PCDH9: variants seen among roughly 807,000 people sequenced by gnomAD.
PCDH9 encodes protocadherin-9.
PCDH9 carries 24 observed loss-of-function variants against 70.6 expected under a neutral mutation model. That is an observed-to-expected ratio of 0.34 (90% CI 0.25 to 0.48). PCDH9 has a LOEUF of 0.48. Ranked by LOEUF, PCDH9 falls within the 20% of genes least tolerant of loss-of-function variation. PCDH9 has a pLI of 0.99. For missense variants in PCDH9, 1,281 were observed against 1,503.6 expected (o/e 0.85, Z 2.45); for synonymous variants, 562 against 558.5 (o/e 1.01, Z -0.09).
At chr13:66,447,572 T>G (rs1030200445) in intron 4 of PCDH9, among the ~76,000 whole-genome samples, 1 of 152,144 alleles carries the variant, frequency 6.6e-6, no homozygotes, top group Non-Finnish European at 1.5e-5. Context: ...TAAATCTATC[T>G]GTGGCAATTA....
chr13:66,321,917 C>T (rs1040992237), intron 4 of PCDH9, among the ~76,000 whole-genome samples: 7 of 151,860 alleles, frequency 4.6e-5, no homozygotes, highest in Admixed American at 2.0e-4. Context: ...TGCTTAGCTT[C>T]AGTGCCAATG....
In PCDH9 at chr13:67,228,130, G is replaced by A. The variant is rs774980648; in HGVS notation, c.311C>T (p.Ala104Val). 6.2e-7 allele frequency: 1 copy of A among 1,613,928 alleles called. No individual in the cohort carries two copies. Among genetic ancestry groups the A allele is most frequent in the Non-Finnish European group, 8.5e-7 (1 of 1,179,802 alleles). ...REKLCAGASY[A>V]EENECFFELE... ...TTCAAAGAAACACTCATTCTCCTCA[G>A]CATATGAGGCGCCAGCACAGAGTTT... Residue 104 changes from alanine to valine, a missense_variant, in exon 2 of 5, where the codon GCT becomes GTT. Ala to Val is a moderately conservative substitution (Grantham distance 64). Around this residue, in one of 4 missense-constraint regions of PCDH9, gnomAD observed 798 missense variants for 1,003.1 expected, o/e 0.80. Coordinates refer to ENST00000377865, the MANE Select transcript of PCDH9 (RefSeq NM_203487.3).
chr13:66,891,819 T>TC (rs2082100620), intron 3 of PCDH9, among the ~76,000 whole-genome samples: 1 of 152,000 alleles, frequency 6.6e-6, no homozygotes, highest in African/African-American at 2.4e-5. Context: ...GTATTCCATT[T>TC]TTTTTTTGTT....
At chr13:66,957,697 C>T (rs539319115) in intron 2 of PCDH9, among the ~76,000 whole-genome samples, 1 of 152,254 alleles carries the variant, frequency 6.6e-6, no homozygotes, top group East Asian at 1.9e-4. Context: ...CTCTCTCACT[C>T]ACTCTCTTTC....
chr13:66,543,029 T>A (rs1000930580), intron 4 of PCDH9, among the ~76,000 whole-genome samples: 3 of 151,742 alleles, frequency 2.0e-5, no homozygotes, highest in African/African-American at 7.2e-5. Context: ...TATACAAATA[T>A]AATAATAATG....
At chr13:66,745,625 G>A (rs2079349827) in intron 3 of PCDH9, among the ~76,000 whole-genome samples, 1 of 152,154 alleles carries the variant, frequency 6.6e-6, no homozygotes, top group African/African-American at 2.4e-5. Context: ...TCACATGGCT[G>A]TGTTTAGATA....
At chr13:66,998,386 A>G (rs1437165852) in intron 2 of PCDH9, among the ~76,000 whole-genome samples, 1 of 152,222 alleles carries the variant, frequency 6.6e-6, no homozygotes, top group Admixed American at 6.5e-5. Context: ...ATTAGCTAGT[A>G]GTTTTAAAAT....
intron 2 of PCDH9, among the ~76,000 whole-genome samples, chr13:66,969,194 T>C (rs1322926914): frequency 1.3e-5 from 2 of 152,042 alleles, no homozygotes; most frequent in African/African-American, 4.8e-5. Flanking sequence ...TGATTTTTGA[T>C]TTTTTTAACA....
At chr13:66,497,911 C>T (rs910244252) in intron 4 of PCDH9, among the ~76,000 whole-genome samples, 12 of 149,958 alleles carry the variant, frequency 8.0e-5, no homozygotes, top group Non-Finnish European at 3.0e-5. Context: ...TTCTGTCTCC[C>T]AGGTTCAAGT....
intron 4 of PCDH9, among the ~76,000 whole-genome samples, chr13:66,544,001 T>C (rs1961076573): frequency 6.6e-6 from 1 of 152,158 alleles, no homozygotes; most frequent in Non-Finnish European, 1.5e-5. Context: ...TGAATACAGG[T>C]AAGTTCCATA....
At chr13:66,817,085 A>C (rs957789505) in intron 3 of PCDH9, among the ~76,000 whole-genome samples, 1 of 152,082 alleles carries the variant, frequency 6.6e-6, no homozygotes, top group Non-Finnish European at 1.5e-5. Flanking sequence ...TAGCATGTAC[A>C]TTGTATTAGG....
chr13:67,164,636 G>A (rs2088059421), intron 2 of PCDH9, among the ~76,000 whole-genome samples: 1 of 151,652 alleles, frequency 6.6e-6, no homozygotes, highest in African/African-American at 2.4e-5. Context: ...GCCTTGTGAT[G>A]TGCTGTTGCA....
At chr13:66,568,239 G>A (rs991635022) in intron 4 of PCDH9, among the ~76,000 whole-genome samples, 1 of 152,098 alleles carries the variant, frequency 6.6e-6, no homozygotes, top group African/African-American at 2.4e-5. Flanking sequence ...AAATCAGGAA[G>A]AGGGCACTTG....
chr13:66,989,538 T>C (rs1376461245), intron 2 of PCDH9, among the ~76,000 whole-genome samples: 1 of 151,908 alleles, frequency 6.6e-6, no homozygotes, highest in African/African-American at 2.4e-5. Flanking sequence ...ATTGTAGAAA[T>C]AGCACTTTAT....
intron 3 of PCDH9, among the ~76,000 whole-genome samples, chr13:66,761,704 T>C (rs938850060): frequency 6.6e-6 from 1 of 152,180 alleles, no homozygotes; most frequent in Non-Finnish European, 1.5e-5. Context: ...ATCTCTAAGA[T>C]TTCTGTTTGA....
intron 4 of PCDH9, among the ~76,000 whole-genome samples, chr13:66,340,980 C>T (rs1292988477): frequency 6.6e-6 from 1 of 152,110 alleles, no homozygotes; most frequent in East Asian, 1.9e-4. Context: ...ATTGCCCTTA[C>T]ATAAAAGTCA....
chr13:66,664,343 T>C (rs1043582750), intron 3 of PCDH9, among the ~76,000 whole-genome samples: 19 of 152,208 alleles, frequency 1.2e-4, no homozygotes, highest in Non-Finnish European at 2.2e-4. Context: ...AGAGGATTAA[T>C]AGTAGTTTGT....
chr13:66,612,721 G>A (rs893375045), intron 4 of PCDH9, among the ~76,000 whole-genome samples: 2 of 152,116 alleles, frequency 1.3e-5, no homozygotes, highest in Non-Finnish European at 2.9e-5. Context: ...TTTACAGCGG[G>A]CAGGAGCCTG....
intron 2 of PCDH9, among the ~76,000 whole-genome samples, chr13:66,989,761 C>T (rs1213633904): frequency 4.6e-5 from 7 of 151,888 alleles, no homozygotes; most frequent in Admixed American, 3.9e-4. Flanking sequence ...CTTGGTATAG[C>T]AGCCACTTCC....
Sources: allele counts gnomAD v4.1 joint callset (sites outside exome capture counted in the v4.1 genomes callset), GRCh38; gene constraint gnomAD v4.1.1; regional missense constraint gnomAD v4.1.1; transcripts MANE v1.5; gene names NCBI Gene and HGNC (gene_info 2026-07-23, HGNC 2026-07-21).